NDST3: variants seen among roughly 807,000 people sequenced by gnomAD.
NDST3 encodes bifunctional heparan sulfate N-deacetylase/N-sulfotransferase 3.
Under a neutral mutation model 96.1 loss-of-function variants are expected in NDST3, and 58 were observed. The ratio of observed to expected loss-of-function variants is 0.60; its 90% confidence interval spans 0.49 to 0.75. NDST3 has a LOEUF of 0.75. NDST3 is among the 30% of genes least tolerant of loss of function. NDST3 has a pLI of 0.00. For missense variants in NDST3, 788 were observed against 1,034.2 expected (o/e 0.76, Z 3.27); for synonymous variants, 333 against 359.7 (o/e 0.93, Z 0.84).
chr4:118,208,583 T>C lies in NDST3; in HGVS notation c.1540-15908T>C, dbSNP rs1375056293. On this transcript the variant is annotated intron_variant, in intron 6 of 13. Coordinates refer to ENST00000296499, the MANE Select transcript of NDST3 (RefSeq NM_004784.3). ...TCAATCAAAACAGATGTGGCTTGCA[T>C]AGGCCCAGTCAAGCCCTAGTATATT... Among the ~76,000 whole-genome samples the C allele has an allele frequency of 2.1e-5, 3 of 144,352 alleles. 1 individual carries two copies. The highest frequency in any genetic ancestry group is 4.6e-5 in the Non-Finnish European group (3 of 65,226). 94.7% of individuals were successfully genotyped at this position (144,352 alleles called of 152,430 possible). A position where few individuals can be genotyped will look rare whatever the true frequency, so the allele number is the denominator to read the frequency against.
At chr4:118,217,224 T>C (rs1480747124) in intron 6 of NDST3, among the ~76,000 whole-genome samples, 1 of 151,992 alleles carries the variant, frequency 6.6e-6, no homozygotes, top group Non-Finnish European at 1.5e-5. Flanking sequence ...CAAGGAATAT[T>C]GTAGATCAAC....
At chr4:118,131,340 T>C (rs1732597338) in intron 4 of NDST3, among the ~76,000 whole-genome samples, 1 of 151,938 alleles carries the variant, frequency 6.6e-6, no homozygotes, top group African/African-American at 2.4e-5. Context: ...TCAAGTTCAC[T>C]GATTCTTTCT....
At chr4:118,083,100 C>G (rs1185120185) in intron 2 of NDST3, among the ~76,000 whole-genome samples, 3 of 152,130 alleles carry the variant, frequency 2.0e-5, no homozygotes, top group African/African-American at 7.2e-5. Flanking sequence ...GGCGGGGACA[C>G]AAATCCAAAC....
intron 4 of NDST3, among the ~76,000 whole-genome samples, chr4:118,136,952 G>T (rs1733152838): frequency 6.6e-6 from 1 of 152,098 alleles, no homozygotes; most frequent in East Asian, 1.9e-4. Flanking sequence ...TTTAGGTAAT[G>T]GCAAACCACT....
intron 4 of NDST3, among the ~76,000 whole-genome samples, chr4:118,132,987 A>G (rs1054099133): frequency 6.6e-6 from 1 of 152,156 alleles, no homozygotes; most frequent in African/African-American, 2.4e-5. Flanking sequence ...AACAGAAGGA[A>G]GGACGCACTT....
At position 118,205,935 on chromosome 4, in the gene NDST3, C is replaced by G. The variant is rs915005079; in HGVS notation, c.1540-18556C>G. Among the ~76,000 whole-genome samples, 5 of 141,756 alleles carry G rather than the reference C, an allele frequency of 3.5e-5. 1 individual carries two copies. Among genetic ancestry groups the G allele is most frequent in the African/African-American group, 1.0e-4 (4 of 38,198 alleles). The allele number at this position is 141,756 out of a possible 152,430, so 93.0% of individuals were successfully genotyped here. On this transcript the variant is annotated intron_variant, in intron 6 of 13. Coordinates refer to ENST00000296499, the MANE Select transcript of NDST3 (RefSeq NM_004784.3). ...GCAAGCTCCGCCTCCCAGGTTCACA[C>G]CCTTCTCCTGCCTCAGCCTCCCGAG... is the stretch of plus-strand genomic sequence containing the variant.
chr4:118,078,945 A>AT (rs1017710002), intron 2 of NDST3, among the ~76,000 whole-genome samples: 89 of 152,000 alleles, frequency 5.9e-4, no homozygotes, highest in East Asian at 4.4e-3. Flanking sequence ...TATTTACACT[A>AT]TTTTTTTTAC....
chr4:118,153,050 C>T (rs1375487203), intron 6 of NDST3, among the ~76,000 whole-genome samples: 1 of 152,208 alleles, frequency 6.6e-6, no homozygotes, highest in African/African-American at 2.4e-5. Context: ...CCAGCAAAGG[C>T]TTGCAAAGGC....
chr4:118,172,829 G>A (rs1167309952), intron 6 of NDST3, among the ~76,000 whole-genome samples: 1 of 152,002 alleles, frequency 6.6e-6, no homozygotes, highest in Non-Finnish European at 1.5e-5. Flanking sequence ...AATATATTAA[G>A]AGGTTCATTA....
chr4:118,113,379 A>T (rs1219123753), intron 3 of NDST3, among the ~76,000 whole-genome samples: 1 of 152,254 alleles, frequency 6.6e-6, no homozygotes, highest in Non-Finnish European at 1.5e-5. Flanking sequence ...AAGTTCCTTC[A>T]TATCAGTAGA....
At chr4:118,161,550 G>T (rs1448839796) in intron 6 of NDST3, among the ~76,000 whole-genome samples, 1 of 152,180 alleles carries the variant, frequency 6.6e-6, no homozygotes, top group Non-Finnish European at 1.5e-5. Context: ...CAGATGCTTT[G>T]TTTACCTAAG....
chr4:118,108,394 TATC>T (rs1464689357), intron 3 of NDST3, among the ~76,000 whole-genome samples: 1 of 152,220 alleles, frequency 6.6e-6, no homozygotes, highest in African/African-American at 2.4e-5. Flanking sequence ...TTTAAAGTGA[TATC>T]ATATTTAAGC....
intron 9 of NDST3, among the ~76,000 whole-genome samples, chr4:118,236,699 G>A (rs563347563): frequency 2.0e-5 from 3 of 152,242 alleles, no homozygotes; most frequent in Non-Finnish European, 2.9e-5. Context: ...TTCTTTTTGA[G>A]TACTTGAATT....
At chr4:118,084,520 T>C (rs1728267828) in intron 2 of NDST3, among the ~76,000 whole-genome samples, 1 of 152,168 alleles carries the variant, frequency 6.6e-6, no homozygotes, top group Admixed American at 6.5e-5. Context: ...CTGAAATCTC[T>C]CTCAGGAACT....
At chr4:118,057,836 AG>A (rs966547362) in intron 2 of NDST3, among the ~76,000 whole-genome samples, 2 of 152,064 alleles carry the variant, frequency 1.3e-5, no homozygotes, top group African/African-American at 4.8e-5. Context: ...TTTTGTATAA[AG>A]GAAAAAAGAG....
chr4:118,055,092 T>C, intron 2 of NDST3: 1 of 676,190 alleles, frequency 1.5e-6, no homozygotes, highest in Non-Finnish European at 2.5e-6. Context: ...AAGATTTTAC[T>C]AAAAGATTGA....
rs545671309 is a variant in NDST3 at position 118,154,789 on chromosome 4, C to T, written c.1539+11105C>T. Among the ~76,000 whole-genome samples the T allele has an allele frequency of 5.3e-5, 8 of 152,254 alleles. No individual in the cohort carries two copies. In the East Asian group the frequency reaches 9.7e-4, roughly 18 times the overall value. ...CTGACTCTCAGTTCACCACTTCACC[C>T]GCTACAACACACTGTTTCTGCACGC... is the stretch of plus-strand genomic sequence containing the variant. On this transcript the variant is annotated intron_variant, in intron 6 of 13. Transcript: ENST00000296499.
intron 6 of NDST3, among the ~76,000 whole-genome samples, chr4:118,197,886 G>A (rs1407259229): frequency 1.8e-4 from 27 of 146,498 alleles, no homozygotes; most frequent in Admixed American, 5.6e-4. Context: ...TGCAACCTCC[G>A]CCTCCTGGAT....
intron 6 of NDST3, among the ~76,000 whole-genome samples, chr4:118,207,384 C>T (rs1738504488): frequency 6.9e-6 from 1 of 144,338 alleles, no homozygotes; most frequent in Non-Finnish European, 1.5e-5. Context: ...AGTATTATGC[C>T]ATGTTATGGC....
Sources: gnomAD v4.1 joint callset for allele counts (sites outside exome capture counted in the v4.1 genomes callset) on GRCh38, gnomAD v4.1.1 for gene constraint, MANE v1.5 for transcripts, NCBI Gene and HGNC (gene_info 2026-07-23, HGNC 2026-07-21) for gene names.